The following SLC8A1 variants were observed in gnomAD, a reference collection of about 807,000 sequenced individuals.
The protein encoded by SLC8A1 is solute carrier family 8 member A1, also known as sodium/calcium exchanger 1.
In SLC8A1, 18 loss-of-function variants were observed where a neutral mutation model predicts 68.3. The observed-to-expected ratio is 0.26, with a 90% CI of 0.18 to 0.39. SLC8A1 has a LOEUF of 0.39. Among genes scored for constraint, SLC8A1 ranks in the 10% least tolerant of loss-of-function variants. SLC8A1 has a pLI of 1.00. For missense variants in SLC8A1, 985 were observed against 1,156.7 expected (o/e 0.85, Z 2.15); for synonymous variants, 475 against 415.5 (o/e 1.14, Z -1.74).
intron 4 of SLC8A1, 21 bp downstream of exon 7, chr2:40,170,260 G>A: frequency 1.2e-6 from 2 of 1,608,926 alleles, no homozygotes; most frequent in Non-Finnish European, 1.7e-6. Flanking sequence ...TGGTTTTCAA[G>A]GATCATGATG....
chr2:40,128,300 G>C (rs1019486689), intron 7 of SLC8A1, among the ~76,000 whole-genome samples: 5 of 152,190 alleles, frequency 3.3e-5, no homozygotes, highest in African/African-American at 4.8e-5. Flanking sequence ...TGGCAATGAA[G>C]TTTTGCTTTC....
chr2:40,290,305 G>C (rs1288818441), intron 2 of SLC8A1, among the ~76,000 whole-genome samples: 2 of 151,874 alleles, frequency 1.3e-5, no homozygotes, highest in Non-Finnish European at 2.9e-5. Flanking sequence ...TCTTGGTTTA[G>C]TAGTTTCAGG....
intron 6 of SLC8A1, among the ~76,000 whole-genome samples, chr2:40,143,817 G>T (rs1447200982): frequency 6.6e-6 from 1 of 152,114 alleles, no homozygotes; most frequent in Non-Finnish European, 1.5e-5. Context: ...CTCTCTACCT[G>T]CTCAGGGCTT....
At chr2:40,237,555 C>T (rs1490526496) in intron 2 of SLC8A1, among the ~76,000 whole-genome samples, 1 of 151,434 alleles carries the variant, frequency 6.6e-6, no homozygotes, top group African/African-American at 2.4e-5. Flanking sequence ...TTTGAATGTC[C>T]TCCCGTAGCT....
intron 2 of SLC8A1, among the ~76,000 whole-genome samples, chr2:40,300,058 T>G (rs1298544829): frequency 6.6e-6 from 1 of 152,146 alleles, no homozygotes; most frequent in Non-Finnish European, 1.5e-5. Flanking sequence ...AAGTTTCAGG[T>G]TCCTTATCCA....
chr2:40,239,051 GAA>G (rs35656645), intron 2 of SLC8A1, among the ~76,000 whole-genome samples: 39 of 146,628 alleles, frequency 2.7e-4, no homozygotes, highest in African/African-American at 3.0e-4. Flanking sequence ...AATTGCAGCA[GAA>G]AAAAAAAAAA....
At chr2:40,133,271 T>C (rs2039760999) in intron 7 of SLC8A1, among the ~76,000 whole-genome samples, 1 of 152,108 alleles carries the variant, frequency 6.6e-6, no homozygotes, top group African/African-American at 2.4e-5. Context: ...GGGTAACCAG[T>C]TTTATATATC....
chr2:40,251,664 G>T (rs561308363), intron 2 of SLC8A1: 1 of 152,164 alleles, frequency 6.6e-6, no homozygotes, highest in East Asian at 1.9e-4. Context: ...CGCTCAACTT[G>T]TTTGTTTTGT....
intron 2 of SLC8A1, among the ~76,000 whole-genome samples, chr2:40,328,520 T>C (rs887512769): frequency 2.6e-5 from 4 of 152,202 alleles, no homozygotes; most frequent in Admixed American, 2.6e-4. Flanking sequence ...TTAGCTCTTG[T>C]CATTACTTCT....
intron 2 of SLC8A1, among the ~76,000 whole-genome samples, chr2:40,344,644 T>C (rs1668701210): frequency 6.6e-6 from 1 of 152,170 alleles, no homozygotes; most frequent in Admixed American, 6.5e-5. Flanking sequence ...AATATTTAAA[T>C]GCTGTGAAAA....
intron 2 of SLC8A1, among the ~76,000 whole-genome samples, chr2:40,351,072 C>A (rs1670929183): frequency 1.3e-5 from 2 of 152,074 alleles, no homozygotes; most frequent in African/African-American, 4.8e-5. Context: ...AAACTTTAGA[C>A]AATCTCAGGT....
chr2:40,492,830 A>G (rs1559768672), intron 1 of SLC8A1, among the ~76,000 whole-genome samples: 1 of 149,168 alleles, frequency 6.7e-6, no homozygotes, highest in African/African-American at 2.5e-5. Flanking sequence ...GCAATCATTA[A>G]AAAGTCAGGA....
chr2:40,122,603 A>C (rs2037159909), intron 7 of SLC8A1, among the ~76,000 whole-genome samples: 1 of 152,114 alleles, frequency 6.6e-6, no homozygotes, highest in Non-Finnish European at 1.5e-5. Context: ...CCCCACCTTG[A>C]GTTTCTGCTT....
At position 40,228,146 on chromosome 2, in the gene SLC8A1, A is replaced by G. The variant is rs140467253; in HGVS notation, c.1809-50291T>C. Among the ~76,000 whole-genome samples, 1,466 of 152,314 alleles carry G rather than the reference A, an allele frequency of 9.6e-3. 66 individuals carry two copies. The highest frequency in any genetic ancestry group is 0.081 in the Admixed American group (1,236 of 15,284). On this transcript the variant is annotated intron_variant, in intron 2 of 7. Coordinates refer to ENST00000406785, the Ensembl canonical transcript of SLC8A1. ...TGTTGACAAATTCCTGTTCACTGCT[A>G]TGGAATACAGAATGATGAAAGTCAG...
chr2:40,498,473 T>C (rs1050909046), intron 1 of SLC8A1, among the ~76,000 whole-genome samples: 1 of 152,224 alleles, frequency 6.6e-6, no homozygotes, highest in Middle Eastern at 3.4e-3. Context: ...TTAAAGTCAT[T>C]CTAACTTCAT....
intron 1 of SLC8A1, among the ~76,000 whole-genome samples, chr2:40,472,338 C>T (rs1324261406): frequency 1.3e-5 from 2 of 152,142 alleles, no homozygotes; most frequent in Non-Finnish European, 2.9e-5. Context: ...ATCTTCCTTA[C>T]TCCAGGGAGT....
chr2:40,276,468 T>C (rs1030031321), intron 2 of SLC8A1, among the ~76,000 whole-genome samples: 22 of 152,340 alleles, frequency 1.4e-4, no homozygotes, highest in African/African-American at 5.1e-4. Context: ...AGAGAATGTC[T>C]ATTCCTAATG....
At chr2:40,256,690 G>GA (rs141405091) in intron 2 of SLC8A1, among the ~76,000 whole-genome samples, 6,407 of 151,118 alleles carry the variant, frequency 0.042, 171 homozygotes, top group Non-Finnish European at 0.062. Flanking sequence ...TGGAGGGCAG[G>GA]AAAAAAAAAT....
intron 2 of SLC8A1, among the ~76,000 whole-genome samples, chr2:40,254,179 AAT>A (rs1402582603): frequency 6.8e-6 from 1 of 147,718 alleles, no homozygotes. Context: ...ACAAAAAATT[AAT>A]ATAAAAAAAG....
Sources: allele counts gnomAD v4.1 joint callset (sites outside exome capture counted in the v4.1 genomes callset), GRCh38; gene constraint gnomAD v4.1.1; transcripts MANE v1.5; gene names NCBI Gene and HGNC (gene_info 2026-07-23, HGNC 2026-07-21).